NBAS: variants seen among roughly 807,000 people sequenced by gnomAD.
NBAS encodes the protein NBAS subunit of NRZ tethering complex.
NBAS carries 219 observed loss-of-function variants against 302.5 expected under a neutral mutation model. The observed-to-expected ratio is 0.72, with a 90% confidence interval of 0.65 to 0.81. NBAS has a LOEUF of 0.81. NBAS is among the 30% of genes least tolerant of loss of function. The probability of loss-of-function intolerance (pLI) is 0.00; values close to 1 mark genes in which losing one functional copy is unlikely to be tolerated. For synonymous variants in NBAS, 1,118 were observed against 1,021.6 expected, an observed-to-expected ratio of 1.09 and a Z score of -1.80; for missense variants, 2,932 against 2,841.6, an observed-to-expected ratio of 1.03 and a Z score of -0.72.
intron 48 of NBAS, among the ~76,000 whole-genome samples, chr2:15,205,047 T>C (rs1370746200): frequency 6.6e-6 from 1 of 151,996 alleles, no homozygotes; most frequent in Non-Finnish European, 1.5e-5. Context: ...AGTAGCAATA[T>C]GAAATTACAG....
chr2:15,491,389 A>T (rs1437870005), intron 11 of NBAS, among the ~76,000 whole-genome samples: 2 of 152,250 alleles, frequency 1.3e-5, no homozygotes, highest in Non-Finnish European at 2.9e-5. Flanking sequence ...AATCATACTT[A>T]TCCAACCATA....
intron 9 of NBAS, among the ~76,000 whole-genome samples, chr2:15,525,919 T>C (rs550711343): frequency 2.0e-5 from 3 of 152,206 alleles, no homozygotes; most frequent in East Asian, 3.9e-4. Flanking sequence ...ACCTAACTCA[T>C]TAAGTGTTAA....
At chr2:15,451,279 AC>A (rs905154688) in intron 21 of NBAS, among the ~76,000 whole-genome samples, 1 of 151,404 alleles carries the variant, frequency 6.6e-6, no homozygotes, top group Non-Finnish European at 1.5e-5. Context: ...TCAAATACCT[AC>A]CCCCCAGCTA....
At chr2:15,253,886 TGCCTTTA>T (rs1668467974) in intron 44 of NBAS, among the ~76,000 whole-genome samples, 1 of 152,146 alleles carries the variant, frequency 6.6e-6, no homozygotes, top group Non-Finnish European at 1.5e-5. Context: ...ACCCCCATCT[TGCCTTTA>T]GCCTTCAAGC....
the NBAS span, among the ~76,000 whole-genome samples, chr2:15,085,693 C>T: frequency 6.6e-6 from 1 of 152,200 alleles, no homozygotes; most frequent in Non-Finnish European, 1.5e-5. Flanking sequence ...TGGGGGCCTA[C>T]GAAGGCCCCC....
At chr2:15,053,656 CG>C in the NBAS span, among the ~76,000 whole-genome samples, 1 of 151,974 alleles carries the variant, frequency 6.6e-6, no homozygotes, top group South Asian at 2.1e-4. Context: ...CCTGCAGACC[CG>C]GGGGGATCTC....
the NBAS span, among the ~76,000 whole-genome samples, chr2:15,119,175 A>C: frequency 6.6e-6 from 1 of 152,016 alleles, no homozygotes; most frequent in East Asian, 1.9e-4. Flanking sequence ...GAGCAGGGAG[A>C]GAGGGAAGGG....
In NBAS at chr2:15,192,829, C is replaced by G. The variant is rs546007502; in HGVS notation, c.6433-2426G>C. 3.3e-5 allele frequency among the ~76,000 whole-genome samples: 5 copies of G among 152,224 alleles called. No homozygotes were observed. The South Asian group carries it at 8.3e-4, about 25-fold the overall frequency. On this transcript the variant is annotated intron_variant, in intron 48 of 51. Transcript: ENST00000281513. ...TAATTAAATGCAGCATAGTTAGTAA[C>G]AAGTAGTTTCTCCTTTTTATCAAAT...
At chr2:15,106,512 A>T in the NBAS span, among the ~76,000 whole-genome samples, 1 of 149,500 alleles carries the variant, frequency 6.7e-6, no homozygotes, top group African/African-American at 2.5e-5. Flanking sequence ...TGGGTTCCAT[A>T]GGAGTTACCT....
the NBAS span, among the ~76,000 whole-genome samples, chr2:15,086,097 G>C: frequency 1.3e-5 from 2 of 152,084 alleles, no homozygotes; most frequent in African/African-American, 2.4e-5. Context: ...GTGGGGACTT[G>C]TGTTGCCTTT....
At chr2:15,494,889 C>T (rs1251851301) in intron 11 of NBAS, among the ~76,000 whole-genome samples, 1 of 152,144 alleles carries the variant, frequency 6.6e-6, no homozygotes, top group Non-Finnish European at 1.5e-5. Flanking sequence ...TTTTTACCCC[C>T]CTTTTTTCAT....
the NBAS span, among the ~76,000 whole-genome samples, chr2:15,002,887 G>C: frequency 3.9e-5 from 6 of 152,342 alleles, no homozygotes; most frequent in African/African-American, 1.2e-4. Context: ...CAAGCGCCAC[G>C]CGCAGCCCCT....
chr2:15,116,099 T>A, the NBAS span, among the ~76,000 whole-genome samples: 5 of 152,156 alleles, frequency 3.3e-5, no homozygotes, highest in African/African-American at 4.8e-5. Flanking sequence ...GGCTGGTGTG[T>A]AACCAACTCA....
downstream of NBAS, among the ~76,000 whole-genome samples, chr2:15,166,737 G>C (rs2241348): frequency 0.48 from 72,810 of 151,796 alleles, 17,788 homozygotes; most frequent in African/African-American, 0.56. Flanking sequence ...CCATCCACCA[G>C]CACATCCAAC....
At chr2:15,444,329 C>G (rs998226234) in intron 21 of NBAS, among the ~76,000 whole-genome samples, 11 of 152,184 alleles carry the variant, frequency 7.2e-5, no homozygotes, top group South Asian at 4.2e-4. Context: ...GAACAGAACA[C>G]AGCCCTCAGA....
the NBAS span, among the ~76,000 whole-genome samples, chr2:14,871,142 G>T: frequency 6.6e-6 from 1 of 151,310 alleles, no homozygotes; most frequent in Non-Finnish European, 1.5e-5. Context: ...AAAAACAAAT[G>T]ATCAGCTTTG....
intron 40 of NBAS, among the ~76,000 whole-genome samples, chr2:15,304,264 C>T (rs1210824631): frequency 6.6e-6 from 1 of 152,178 alleles, no homozygotes; most frequent in Non-Finnish European, 1.5e-5. Flanking sequence ...CTTTGCTCAG[C>T]ACTTCTTCCT....
At chr2:14,811,980 G>A in the NBAS span, among the ~76,000 whole-genome samples, 1 of 152,156 alleles carries the variant, frequency 6.6e-6, no homozygotes, top group African/African-American at 2.4e-5. Flanking sequence ...AAAGCTTAGG[G>A]GATGAAAATG....
At chr2:15,338,646 T>G (rs149362474) in intron 35 of NBAS, among the ~76,000 whole-genome samples, 1 of 146,956 alleles carries the variant, frequency 6.8e-6, no homozygotes, top group South Asian at 2.2e-4. Context: ...AACATGCATG[T>G]GCACTCACAT....
Sources: gnomAD v4.1 joint callset for allele counts (sites outside exome capture counted in the v4.1 genomes callset) on GRCh38, gnomAD v4.1.1 for gene constraint, MANE v1.5 for transcripts, NCBI Gene and HGNC (gene_info 2026-07-23, HGNC 2026-07-21) for gene names.